WDR19: variants seen among roughly 807,000 people sequenced by gnomAD.
The protein encoded by WDR19 is WD repeat domain 19, also known as WD repeat-containing protein 19.
Under a neutral mutation model 180.0 loss-of-function variants are expected in WDR19, and 121 were observed. The ratio of observed to expected loss-of-function variants is 0.67; its 90% CI spans 0.58 to 0.78. The LOEUF (loss-of-function observed/expected upper bound fraction) is 0.78. Ranked by LOEUF, WDR19 falls within the 30% of genes least tolerant of loss-of-function variation. The pLI, the probability that WDR19 is intolerant of heterozygous loss-of-function variation, is 0.00. For synonymous variants in WDR19, 497 were observed against 540.7 expected (o/e 0.92, Z 1.12); for missense variants, 1,450 against 1,640.7 (o/e 0.88, Z 2.01).
intron 27 of WDR19, 66 bp from the exon 28 acceptor site, chr4:39,257,420 A>G: frequency 7.0e-7 from 1 of 1,435,350 alleles, no homozygotes; most frequent in Non-Finnish European, 9.6e-7. Flanking sequence ...AAGCTGTGTG[A>G]AAGCTTTGTT....
At chr4:39,262,656 C>G (rs987463498) in intron 28 of WDR19, among the ~76,000 whole-genome samples, 1 of 152,130 alleles carries the variant, frequency 6.6e-6, no homozygotes, top group Non-Finnish European at 1.5e-5. Flanking sequence ...ATACCCCTAC[C>G]CAATAAGCCT....
At chr4:39,261,660 C>T (rs1187815347) in intron 28 of WDR19, among the ~76,000 whole-genome samples, 1 of 152,156 alleles carries the variant, frequency 6.6e-6, no homozygotes, top group African/African-American at 2.4e-5. Flanking sequence ...CATGGAATTT[C>T]CACTAGAACT....
At chr4:39,252,048 C>T (rs953158967) in intron 24 of WDR19, among the ~76,000 whole-genome samples, 1 of 152,050 alleles carries the variant, frequency 6.6e-6, no homozygotes, top group African/African-American at 2.4e-5. Context: ...GCTATGAAGA[C>T]ACATGCACAC....
At chr4:39,251,262 G>A (rs532985597) in intron 24 of WDR19, among the ~76,000 whole-genome samples, 1,628 of 152,206 alleles carry the variant, frequency 0.011, 12 homozygotes, top group Middle Eastern at 0.02. Flanking sequence ...ATGGGGAAAG[G>A]ATTCCCTATT....
intron 13 of WDR19, among the ~76,000 whole-genome samples, chr4:39,217,574 T>C (rs2109330633): frequency 6.6e-6 from 1 of 152,264 alleles, no homozygotes; most frequent in African/African-American, 2.4e-5. Context: ...GCCATACCTT[T>C]GGGCTTCCTG....
intron 26 of WDR19, among the ~76,000 whole-genome samples, chr4:39,254,694 G>A (rs915983004): frequency 1.4e-4 from 22 of 151,930 alleles, no homozygotes; most frequent in African/African-American, 4.8e-4. Flanking sequence ...ATTCATTCAC[G>A]TTGTTATGCG....
chr4:39,201,734 T>C (rs1038223867), intron 6 of WDR19, among the ~76,000 whole-genome samples: 1 of 152,298 alleles, frequency 6.6e-6, no homozygotes, highest in South Asian at 2.1e-4. Flanking sequence ...GGATTTTTTT[T>C]CCCTCCACTG....
At chr4:39,209,881 G>T (rs958352616) in intron 9 of WDR19, among the ~76,000 whole-genome samples, 1 of 151,984 alleles carries the variant, frequency 6.6e-6, no homozygotes, top group African/African-American at 2.4e-5. Flanking sequence ...AATAATAAAG[G>T]AATACTACAA....
chr4:39,240,053 T>C (rs956802587), intron 20 of WDR19, among the ~76,000 whole-genome samples: 4 of 151,942 alleles, frequency 2.6e-5, no homozygotes, highest in African/African-American at 4.8e-5. Flanking sequence ...GGCGCATGCC[T>C]ATAGTCTCAA....
intron 3 of WDR19, 96 bp downstream of exon 3, chr4:39,186,700 T>A: frequency 1.2e-6 from 1 of 829,378 alleles, no homozygotes; most frequent in Non-Finnish European, 1.8e-6. Flanking sequence ...ATGGAATCTT[T>A]TGCTTCTTCC....
At chr4:39,226,292 CTT>C (rs995322495) in intron 15 of WDR19, among the ~76,000 whole-genome samples, 3 of 152,186 alleles carry the variant, frequency 2.0e-5, no homozygotes, top group Non-Finnish European at 4.4e-5. Flanking sequence ...TTACAGTTCT[CTT>C]TTTCTTGATA....
intron 1 of WDR19, among the ~76,000 whole-genome samples, chr4:39,184,894 AT>A (rs755118801): frequency 6.6e-6 from 1 of 152,156 alleles, no homozygotes; most frequent in East Asian, 1.9e-4. Flanking sequence ...AGCTAATGTA[AT>A]TTCATATTTT....
At chr4:39,185,391 C>G (rs1725408338) in intron 1 of WDR19, among the ~76,000 whole-genome samples, 1 of 152,118 alleles carries the variant, frequency 6.6e-6, no homozygotes, top group African/African-American at 2.4e-5. Flanking sequence ...TGAATTCAGG[C>G]TTCAATTATT....
chr4:39,255,988 T>A (rs1003569317), intron 27 of WDR19, 28 bp downstream of exon 27: 1 of 1,024,750 alleles, frequency 9.8e-7, no homozygotes, highest in South Asian at 1.5e-5. Flanking sequence ...AAATATACAC[T>A]GACTCCGCAG....
chr4:39,279,335 C>T (rs1272562381), intron 36 of WDR19, among the ~76,000 whole-genome samples: 3 of 152,264 alleles, frequency 2.0e-5, no homozygotes, highest in African/African-American at 7.2e-5. Flanking sequence ...CAGGAAGCGG[C>T]AGCTCCAGCC....
rs1033377235 is a variant in WDR19 at position 39,253,297 on chromosome 4, CAT to C, written c.2876+7_2876+8del. On this transcript the variant is annotated splice_donor_region_variant and intron_variant, in intron 25 of 36. Coordinates refer to ENST00000399820, the MANE Select transcript of WDR19 (RefSeq NM_025132.4). Reference sequence around the variant, plus strand: ...TGGAGCCAAAATGGTAGCCAGGTAACATAATACATTAATATTTTTGGACTTTC... The same window carrying C: ...TGGAGCCAAAATGGTAGCCAGGTAACAATACATTAATATTTTTGGACTTTC... 6.2e-7 allele frequency: 1 copy of C among 1,606,702 alleles called. No homozygotes were observed. Among genetic ancestry groups the C allele is most frequent in the Non-Finnish European group, 8.5e-7 (1 of 1,177,792 alleles).
chr4:39,191,541 G>A (rs180697281), intron 4 of WDR19, among the ~76,000 whole-genome samples: 17 of 152,244 alleles, frequency 1.1e-4, no homozygotes, highest in African/African-American at 3.6e-4. Flanking sequence ...TTTTTGCTAT[G>A]TATGCATTTA....
chr4:39,232,072 T>C, intron 18 of WDR19, 90 bp from the exon 19 acceptor site: 1 of 1,523,500 alleles, frequency 6.6e-7, no homozygotes, highest in Non-Finnish European at 9.0e-7. Context: ...CGATAGAACG[T>C]TACCACTTCC....
chr4:39,202,439 A>G (rs528898829), intron 6 of WDR19, among the ~76,000 whole-genome samples: 4 of 152,330 alleles, frequency 2.6e-5, no homozygotes, highest in Non-Finnish European at 4.4e-5. Flanking sequence ...AAAGTTACTC[A>G]TAATTAAATA....
Sources: allele counts gnomAD v4.1 joint callset (sites outside exome capture counted in the v4.1 genomes callset), GRCh38; gene constraint gnomAD v4.1.1; transcripts MANE v1.5; gene names NCBI Gene and HGNC (gene_info 2026-07-23, HGNC 2026-07-21).